The following KLK7 variants were observed in gnomAD, a reference collection of about 807,000 sequenced individuals.
KLK7 encodes the protein kallikrein-7.
Under a neutral mutation model 21.0 loss-of-function variants are expected in KLK7, and 17 were observed. That is an observed-to-expected ratio of 0.81 (90% CI 0.55 to 1.21). The LOEUF is 1.21. KLK7 is among the 50% of genes most tolerant of loss of function. The probability of loss-of-function intolerance (pLI) is 0.00; values close to 1 mark genes in which losing one functional copy is unlikely to be tolerated. For synonymous variants in KLK7, 151 were observed against 134.6 expected, an observed-to-expected ratio of 1.12 and a Z score of -0.85; for missense variants, 330 against 322.8, an observed-to-expected ratio of 1.02 and a Z score of -0.17.
rs2091075027 is a variant in KLK7, at chr19:50,980,837, C to A, written c.222-350G>T. ...GGACAGAGACCCAGAGAGAGGGGAACAGAGACCCAGAGAGAGAGGGGGACA... is the reference window on the plus strand; with the variant it reads ...GGACAGAGACCCAGAGAGAGGGGAAAAGAGACCCAGAGAGAGAGGGGGACA... On this transcript the variant is annotated intron_variant, in intron 3 of 5. Coordinates refer to ENST00000595820, the MANE Select transcript of KLK7 (RefSeq NM_005046.4). Among the ~76,000 whole-genome samples, 4 of 92,308 alleles carry A rather than the reference C, an allele frequency of 4.3e-5. 1 individual carries two copies. The South Asian group carries it at 1.4e-3, about 33-fold the overall frequency. 60.6% of individuals were successfully genotyped at this position (92,308 alleles called of 152,430 possible).
chr19:50,981,820 T>G lies in KLK7; in HGVS notation c.168A>C (p.Gly56=). ...ALLSGNQLHC[G]GVLVNERWVL... ...CCCAGCGCTCATTGACCAGGACGCC[T>G]CCGCAGTGGAGCTGATTGCCACTGA... The change falls in exon 3 of 6, where the codon GGA becomes GGC. Residue 56 remains glycine, a synonymous_variant. Coordinates refer to ENST00000595820, the MANE Select transcript of KLK7 (RefSeq NM_005046.4). 6.2e-7 allele frequency: 1 copy of G among 1,603,916 alleles called. No homozygotes were observed. Among genetic ancestry groups the G allele is most frequent in the Non-Finnish European group, 8.5e-7 (1 of 1,176,386 alleles).
rs2091094232 is a variant in KLK7 at position 50,982,146 on chromosome 19, C to A, written c.73+181G>T. Reference sequence around the variant, plus strand: ...GAGACCCTGAGCACAGGAGGCAGGGCCTGGAGGGGACAGAGACCCCCTGAG... The same window carrying A: ...GAGACCCTGAGCACAGGAGGCAGGGACTGGAGGGGACAGAGACCCCCTGAG... On this transcript the variant is annotated intron_variant, in intron 2 of 5. Coordinates refer to ENST00000595820, the MANE Select transcript of KLK7 (RefSeq NM_005046.4). 13 of 885,708 alleles carry A rather than the reference C, an allele frequency of 1.5e-5. No individual in the cohort carries two copies. The South Asian group carries it at 2.2e-4, about 15-fold the overall frequency. The allele number at this position is 885,708 out of a possible 1,614,324, so 54.9% of individuals were successfully genotyped here.
At position 50,979,917 on chromosome 19, in the gene KLK7, A is replaced by G; in HGVS notation, c.477T>C (p.Phe159=). 1 of 1,595,810 alleles carries G rather than the reference A, an allele frequency of 6.3e-7. No individual in the cohort carries two copies. The highest frequency in any genetic ancestry group is 8.5e-7 in the Non-Finnish European group (1 of 1,171,218). ...CATCCACGCACATGAGGTCAGAGGG[A>G]AAGGTCACTGCAGGGAGGAGCAGGG... is the stretch of plus-strand genomic sequence containing the variant. ...WGTTTSPDVT[F]PSDLMCVDVK... is the part of the protein sequence containing the mutation. Residue 159 remains phenylalanine (F), a synonymous_variant, in exon 5 of 6, where the codon TTT becomes TTC. Coordinates refer to ENST00000595820, the MANE Select transcript of KLK7 (RefSeq NM_005046.4).
At chr19:50,979,102 G>A (rs1319209124) in intron 5 of KLK7, among the ~76,000 whole-genome samples, 1 of 152,094 alleles carries the variant, frequency 6.6e-6, no homozygotes, top group Non-Finnish European at 1.5e-5. Context: ...AAACAGAGGG[G>A]ATGACAAAAG....
intron 1 of KLK7, 183 bp downstream of exon 1, chr19:50,983,668 C>A: frequency 1.1e-6 from 1 of 876,400 alleles, no homozygotes; most frequent in Non-Finnish European, 1.5e-6. Context: ...CCCTGTGGAA[C>A]CCAAACTTCT....
rs1227541291 is a variant in KLK7, at chr19:50,979,737, A to G, written c.606+51T>C. 2.6e-6 allele frequency: 4 copies of G among 1,540,060 alleles called. No individual in the cohort carries two copies. The Admixed American group carries it at 7.8e-5, about 30-fold the overall frequency. ...TCGGGTCAAGCTCTGTCCCTGGGGCATGCAGACAGGGTACCCAGGACTGGG... is the reference window on the plus strand; with the variant it reads ...TCGGGTCAAGCTCTGTCCCTGGGGCGTGCAGACAGGGTACCCAGGACTGGG... On this transcript the variant is annotated intron_variant, in intron 5 of 5. Transcript: ENST00000595820.
In KLK7 at chr19:50,977,548, T is replaced by C. The variant is rs142918110; in HGVS notation, c.750A>G (p.Lys250=). 35 of 1,613,752 alleles carry C rather than the reference T, an allele frequency of 2.2e-5. No homozygotes were observed. The African/African-American group carries it at 4.7e-4, about 22-fold the overall frequency. The change falls in exon 6 of 6, where the codon AAA becomes AAG. Residue 250 remains lysine (K), a synonymous_variant. Transcript: ENST00000595820. ...KFTKWINDTM[K]KHR ...ACTCAGTGTGGCGTTAGCGATGCTTTTTCATGGTGTCATTTATCCACTTGG... is the reference window on the plus strand; with the variant it reads ...ACTCAGTGTGGCGTTAGCGATGCTTCTTCATGGTGTCATTTATCCACTTGG...
chr19:50,984,010 C>G (rs1468792837), upstream of KLK7: 3 of 1,025,336 alleles, frequency 2.9e-6, no homozygotes, highest in Non-Finnish European at 4.0e-6. Context: ...CTGGGACACC[C>G]CCGCCTGCAT....
rs2091046910 is a variant in KLK7, at chr19:50,977,569, C to T, written c.729G>A (p.Lys243=). ...GVYTQVCKFT[K]WINDTMKKHR ...GCTTTTTCATGGTGTCATTTATCCACTTGGTGAACTTGCACACTTGAGTGT... is the reference window on the plus strand; with the variant it reads ...GCTTTTTCATGGTGTCATTTATCCATTTGGTGAACTTGCACACTTGAGTGT... Residue 243 remains lysine (K), a synonymous_variant, in exon 6 of 6, where the codon AAG becomes AAA. Coordinates refer to ENST00000595820, the MANE Select transcript of KLK7 (RefSeq NM_005046.4). 12 of 1,613,896 alleles carry T rather than the reference C, an allele frequency of 7.4e-6. No homozygotes were observed. Among genetic ancestry groups the T allele is most frequent in the Non-Finnish European group, 1.0e-5 (12 of 1,179,996 alleles).
At position 50,978,709 on chromosome 19, in the gene KLK7, AAGAC is replaced by A. The variant is rs376936263; in HGVS notation, c.607-1022_607-1019del. On this transcript the variant is annotated intron_variant, in intron 5 of 5. Transcript: ENST00000595820. ...GGAGGAGAATAAAGAGAGAGAAAGA[AAGAC>A]AGAGATGGGGGAGCGGCAGGGAGAG... 3.4e-3 allele frequency among the ~76,000 whole-genome samples: 492 copies of A among 142,758 alleles called. 2 individuals are homozygous for A. Among genetic ancestry groups the A allele is most frequent in the African/African-American group, 0.012 (453 of 37,924 alleles). 93.7% of individuals were successfully genotyped at this position (142,758 alleles called of 152,430 possible). A position where few individuals can be genotyped will look rare whatever the true frequency, so the allele number is the denominator to read the frequency against.
chr19:50,978,581 T>G (rs1191073335), intron 5 of KLK7, among the ~76,000 whole-genome samples: 273 of 77,582 alleles, frequency 3.5e-3, no homozygotes, highest in Middle Eastern at 0.012. Context: ...GAGATGGGGG[T>G]GGAGAAGAAA....
intron 3 of KLK7, among the ~76,000 whole-genome samples, chr19:50,981,296 C>CA (rs2091083407): frequency 8.2e-6 from 1 of 122,392 alleles, no homozygotes; most frequent in Non-Finnish European, 1.6e-5. Context: ...AACAGAGACC[C>CA]GGAGAGAGAA....
At chr19:50,983,307 AGGAGTCCAGGCCCCAGCCCC>A (rs1380753058) in intron 1 of KLK7, among the ~76,000 whole-genome samples, 871 of 11,744 alleles carry the variant, frequency 0.074, 334 homozygotes, top group East Asian at 0.11. Context: ...CCTCAGACCC[AGGAGTCCAGGCCCCAGCCCC>A]TCCTCCCTCA....
chr19:50,977,703 A>G lies in KLK7; in HGVS notation c.607-12T>C. ...CCCCCTGAGTCACCCTAGAGGGAAT[A>G]GAGCCGGAGATTAACTTTGGCTTCA... is the stretch of plus-strand genomic sequence containing the variant. On this transcript the variant is annotated splice_polypyrimidine_tract_variant and intron_variant, in intron 5 of 5. Transcript: ENST00000595820. 1 of 1,608,372 alleles carries G rather than the reference A, an allele frequency of 6.2e-7. No individual in the cohort carries two copies. The highest frequency in any genetic ancestry group is 8.5e-7 in the Non-Finnish European group (1 of 1,176,776).
chr19:50,984,040 G>A (rs1407803716), upstream of KLK7: 1 of 657,544 alleles, frequency 1.5e-6, no homozygotes, highest in South Asian at 1.6e-5. Context: ...TGGTTATCTG[G>A]AACCCTGACG....
At chr19:50,983,194 G>A (rs2091104262) in intron 1 of KLK7, among the ~76,000 whole-genome samples, 1 of 132,274 alleles carries the variant, frequency 7.6e-6, no homozygotes, top group African/African-American at 3.1e-5. Context: ...TCCTCCCTCA[G>A]GCCCAGGAGT....
chr19:50,979,714 G>A (rs887938704), intron 5 of KLK7, 74 bp downstream of exon 5: 4 of 1,477,902 alleles, frequency 2.7e-6, no homozygotes, highest in Non-Finnish European at 1.8e-6. Context: ...CCAGTCACTC[G>A]GGTCAAGCTC....
At chr19:50,978,195 C>G (rs2091050712) in intron 5 of KLK7, among the ~76,000 whole-genome samples, 2 of 152,224 alleles carry the variant, frequency 1.3e-5, no homozygotes, top group African/African-American at 4.8e-5. Flanking sequence ...TGAGACCCTT[C>G]TGAGTGTGGG....
chr19:50,977,552 A>C lies in KLK7; in HGVS notation c.746T>G (p.Met249Arg). 1 of 1,613,844 alleles carries C rather than the reference A, an allele frequency of 6.2e-7. No homozygotes were observed. The highest frequency in any genetic ancestry group is 8.5e-7 in the Non-Finnish European group (1 of 1,179,920). Residue 249 changes from methionine to arginine, a missense_variant, in exon 6 of 6, where the codon ATG becomes AGG. By Grantham distance (91) the Met-to-Arg change is moderately conservative (BLOSUM62 -1). Coordinates refer to ENST00000595820, the MANE Select transcript of KLK7 (RefSeq NM_005046.4). ...CKFTKWINDT[M>R]KKHR ...AGTGTGGCGTTAGCGATGCTTTTTC[A>C]TGGTGTCATTTATCCACTTGGTGAA...
Sources: gnomAD v4.1 joint callset for allele counts (sites outside exome capture counted in the v4.1 genomes callset) on GRCh38, gnomAD v4.1.1 for gene constraint, MANE v1.5 for transcripts, NCBI Gene and HGNC (gene_info 2026-07-23, HGNC 2026-07-21) for gene names.